Variants in PRKCH observed in about 807,000 individuals in gnomAD.
PRKCH encodes protein kinase C eta, also known as protein kinase C eta type.
Under a neutral mutation model 82.5 loss-of-function variants are expected in PRKCH, and 28 were observed. That is an observed-to-expected ratio of 0.34 (90% CI 0.25 to 0.47). The LOEUF (loss-of-function observed/expected upper bound fraction) is 0.47. Ranked by LOEUF, PRKCH falls within the 20% of genes least tolerant of loss-of-function variation. PRKCH has a pLI of 1.00. For missense variants in PRKCH, 705 were observed against 881.8 expected, an observed-to-expected ratio of 0.80 and a Z score of 2.54; for synonymous variants, 322 against 327.4, an observed-to-expected ratio of 0.98 and a Z score of 0.18.
chr14:61,508,113 T>A (rs1887232225), intron 10 of PRKCH, among the ~76,000 whole-genome samples: 1 of 152,112 alleles, frequency 6.6e-6, no homozygotes, highest in African/African-American at 2.4e-5. Context: ...CAGTTATTTT[T>A]AAAAATCCTC....
chr14:61,505,509 G>A (rs1397334460), intron 10 of PRKCH, among the ~76,000 whole-genome samples: 1 of 143,996 alleles, frequency 6.9e-6, no homozygotes, highest in Non-Finnish European at 1.5e-5. Context: ...CTGAGTAGCT[G>A]GGATTACAGG....
chr14:61,267,135 A>C (rs999139786), intron 1 of PRKCH, among the ~76,000 whole-genome samples: 2 of 152,234 alleles, frequency 1.3e-5, no homozygotes, highest in African/African-American at 4.8e-5. Flanking sequence ...ATAATGGAAG[A>C]CATCTTTTCC....
intron 1 of PRKCH, among the ~76,000 whole-genome samples, chr14:61,271,103 T>G (rs2045149017): frequency 6.6e-6 from 1 of 152,210 alleles, no homozygotes; most frequent in Admixed American, 6.5e-5. Flanking sequence ...GTATACAATG[T>G]GTGCACAACT....
rs112860857 is a variant in PRKCH, at chr14:61,396,833, G to A, written c.427+5545G>A. On this transcript the variant is annotated intron_variant, in intron 2 of 13. Transcript: ENST00000332981. The stretch of plus-strand genomic sequence containing the variant: ...TGGCCAGAGATTTCGGAGGGCTTAT[G>A]TGTGGGCTTGCCCAGGACAGGCTCA... Among the ~76,000 whole-genome samples the A allele has an allele frequency of 2.9e-3, 443 of 152,322 alleles. 1 individual carries two copies. The highest frequency in any genetic ancestry group is 9.9e-3 in the African/African-American group (412 of 41,580).
rs532161975 is a variant in PRKCH at position 61,500,729 on chromosome 14, G to C, written c.1433+15073G>C. ...AGGATCTCTGTGCACAGCCCACTCT[G>C]CAAAGGTGGATATTTTCCTCTCAAA... On this transcript the variant is annotated intron_variant, in intron 10 of 13. Transcript: ENST00000332981. Among the ~76,000 whole-genome samples, 15 of 152,218 alleles carry C rather than the reference G, an allele frequency of 9.9e-5. No homozygotes were observed. The South Asian group carries it at 2.9e-3, about 29-fold the overall frequency.
intron 1 of PRKCH, among the ~76,000 whole-genome samples, chr14:61,195,277 C>T (rs2044432850): frequency 6.6e-6 from 1 of 152,126 alleles, no homozygotes; most frequent in Non-Finnish European, 1.5e-5. Context: ...TTTCTGTGCC[C>T]AAATTTATGC....
Position 61,416,843 on chromosome 14 carries a change from C to T in PRKCH, c.427+25555C>T, listed in dbSNP as rs1223421609. Among the ~76,000 whole-genome samples the T allele has an allele frequency of 2.0e-5, 3 of 152,202 alleles. No homozygotes were observed. In the East Asian group the frequency reaches 5.8e-4, roughly 29 times the overall value. Reference sequence around the variant, plus strand: ...CAACACCCCTTTCCTTTCTCAGACTCATTCTGACTTTGAGGAAGTAGTCCA... The same window carrying T: ...CAACACCCCTTTCCTTTCTCAGACTTATTCTGACTTTGAGGAAGTAGTCCA... On this transcript the variant is annotated intron_variant, in intron 2 of 13. Coordinates refer to ENST00000332981, the MANE Select transcript of PRKCH (RefSeq NM_006255.5).
At chr14:61,539,837 G>A (rs1243062025) in intron 12 of PRKCH, among the ~76,000 whole-genome samples, 2 of 152,188 alleles carry the variant, frequency 1.3e-5, no homozygotes, top group Non-Finnish European at 2.9e-5. Flanking sequence ...AGGCCAGTCC[G>A]GCTCTGCTTC....
intron 10 of PRKCH, among the ~76,000 whole-genome samples, chr14:61,488,304 C>T (rs1340890271): frequency 1.3e-5 from 2 of 152,196 alleles, no homozygotes; most frequent in African/African-American, 4.8e-5. Context: ...GCCTGGGTGA[C>T]AGAGCAAGAC....
intron 1 of PRKCH, among the ~76,000 whole-genome samples, chr14:61,203,830 G>A (rs1345830097): frequency 6.6e-6 from 1 of 151,886 alleles, no homozygotes; most frequent in Non-Finnish European, 1.5e-5. Flanking sequence ...GACAAAGAGA[G>A]ACCCCGTCTC....
At chr14:61,317,810 C>G (rs1190727762), upstream of PRKCH, among the ~76,000 whole-genome samples, 2 of 152,126 alleles carry the variant, frequency 1.3e-5, no homozygotes, top group Non-Finnish European at 2.9e-5. Context: ...GTCCTTCTCT[C>G]AAGTTGCATT....
At chr14:61,312,748 TG>T (rs1453332736) in intron 1 of PRKCH, among the ~76,000 whole-genome samples, 2 of 152,030 alleles carry the variant, frequency 1.3e-5, no homozygotes, top group Admixed American at 6.6e-5. Context: ...AAGAACAGCA[TG>T]GGAAAACCTT....
At chr14:61,405,323 C>T (rs10136157) in intron 2 of PRKCH, among the ~76,000 whole-genome samples, 2,911 of 152,036 alleles carry the variant, frequency 0.019, 71 homozygotes, top group African/African-American at 0.066. Context: ...CTTATTTGAG[C>T]ACCTCACTCA....
chr14:61,402,591 T>C (rs1370570558), intron 2 of PRKCH, among the ~76,000 whole-genome samples: 2 of 151,880 alleles, frequency 1.3e-5, no homozygotes, highest in African/African-American at 4.8e-5. Context: ...GGTCAGGAGA[T>C]CAAGACCATC....
intron 9 of PRKCH, among the ~76,000 whole-genome samples, chr14:61,466,430 T>TCCCATCC (rs1028274000): frequency 6.6e-6 from 1 of 152,042 alleles, no homozygotes; most frequent in Non-Finnish European, 1.5e-5. Context: ...AATCCAGGCC[T>TCCCATCC]CCCATCCCCC....
chr14:61,519,167 C>A (rs149415406), intron 10 of PRKCH, among the ~76,000 whole-genome samples: 27 of 152,094 alleles, frequency 1.8e-4, no homozygotes, highest in African/African-American at 5.5e-4. Context: ...CCTGGAGTGC[C>A]AACTACTTGG....
intron 1 of PRKCH, among the ~76,000 whole-genome samples, chr14:61,220,657 T>C (rs2044648906): frequency 6.6e-6 from 1 of 151,952 alleles, no homozygotes; most frequent in Non-Finnish European, 1.5e-5. Context: ...GAGAGGAAAA[T>C]TGTTAGCATG....
intron 1 of PRKCH, among the ~76,000 whole-genome samples, chr14:61,352,212 C>A (rs1220872358): frequency 6.6e-6 from 1 of 152,216 alleles, no homozygotes; most frequent in Non-Finnish European, 1.5e-5. Flanking sequence ...GTGATCTCTA[C>A]TCTTGTAGGT....
chr14:61,355,787 T>A (rs1351286706), intron 1 of PRKCH, among the ~76,000 whole-genome samples: 2 of 152,190 alleles, frequency 1.3e-5, no homozygotes, highest in Non-Finnish European at 1.5e-5. Flanking sequence ...GTGATTTAAT[T>A]TTTTGCCACT....
Sources: gnomAD v4.1 joint callset for allele counts (sites outside exome capture counted in the v4.1 genomes callset) on GRCh38, gnomAD v4.1.1 for gene constraint, MANE v1.5 for transcripts, NCBI Gene and HGNC (gene_info 2026-07-23, HGNC 2026-07-21) for gene names.